Variants in AGBL1 observed in about 807,000 individuals in gnomAD.
The protein encoded by AGBL1 is AGBL carboxypeptidase 1, also known as cytosolic carboxypeptidase 4.
A neutral mutation model predicts 118.9 loss-of-function variants in AGBL1; 130 were observed. That is an observed-to-expected ratio of 1.09 (90% CI 0.95 to 1.26). The LOEUF (loss-of-function observed/expected upper bound fraction) is 1.26, where lower values mean the gene tolerates loss of function less well. Ranked by LOEUF, AGBL1 falls within the 50% of genes most tolerant of loss-of-function variation. The pLI, the probability that AGBL1 is intolerant of heterozygous loss-of-function variation, is 0.00. For synonymous variants in AGBL1, 555 were observed against 478.9 expected, an observed-to-expected ratio of 1.16 and a Z score of -2.08; for missense variants, 1,584 against 1,298.1, an observed-to-expected ratio of 1.22 and a Z score of -3.38.
downstream of AGBL1, among the ~76,000 whole-genome samples, chr15:87,029,414 T>G (rs946831345): frequency 6.6e-6 from 1 of 151,958 alleles, no homozygotes; most frequent in Admixed American, 6.6e-5. Context: ...CCCTAGTTCA[T>G]GCATGCTTTG....
intron 22 of AGBL1, among the ~76,000 whole-genome samples, chr15:86,790,612 A>T (rs1038902475): frequency 3.3e-5 from 5 of 152,154 alleles, no homozygotes; most frequent in African/African-American, 1.2e-4. Context: ...ATGGTTTTTT[A>T]ATGTATTTTA....
At chr15:87,019,106 C>G (rs1156568319) in intron 24 of AGBL1, among the ~76,000 whole-genome samples, 1 of 152,054 alleles carries the variant, frequency 6.6e-6, no homozygotes, top group East Asian at 1.9e-4. Context: ...TACATGAGCA[C>G]CCAAGTTCAT....
In AGBL1 at chr15:86,655,733, A is replaced by ACTTGCAGTGG. The variant is rs1332846216; in HGVS notation, c.2995-18539_2995-18530dup. On this transcript the variant is annotated intron_variant, in intron 21 of 22. Transcript: ENST00000614907. ...GCTGGGAGAAGGGAAGTCATTGCTA[A>ACTTGCAGTGG]CTTGCAGTGGTCAGGAAACACTTCA... Among the ~76,000 whole-genome samples the ACTTGCAGTGG allele has an allele frequency of 1.1e-4, 17 of 152,342 alleles. No homozygotes were observed. In the East Asian group the frequency reaches 3.1e-3, roughly 28 times the overall value.
chr15:86,409,694 C>A (rs190988082), intron 18 of AGBL1, among the ~76,000 whole-genome samples: 26 of 152,312 alleles, frequency 1.7e-4, no homozygotes, highest in African/African-American at 5.5e-4. Flanking sequence ...GTTTCCCCCC[C>A]TCACTTCCCA....
intron 18 of AGBL1, among the ~76,000 whole-genome samples, chr15:86,443,090 G>A (rs2082083550): frequency 6.6e-6 from 1 of 152,140 alleles, no homozygotes; most frequent in South Asian, 2.1e-4. Flanking sequence ...GTTCTCTTCT[G>A]TTGTTGCCCT....
chr15:86,677,418 T>C (rs1452309185), intron 22 of AGBL1, among the ~76,000 whole-genome samples: 2 of 152,162 alleles, frequency 1.3e-5, no homozygotes, highest in African/African-American at 4.8e-5. Context: ...CTCCTTCCTC[T>C]CAATCTTATC....
chr15:86,841,017 T>C (rs2079237672), intron 22 of AGBL1, among the ~76,000 whole-genome samples: 2 of 152,330 alleles, frequency 1.3e-5, no homozygotes, highest in South Asian at 4.1e-4. Context: ...GATTACTTTT[T>C]TTCAGTAATA....
intron 15 of AGBL1, among the ~76,000 whole-genome samples, chr15:86,275,014 G>A (rs1172407675): frequency 6.6e-6 from 1 of 151,952 alleles, no homozygotes; most frequent in African/African-American, 2.4e-5. Context: ...AACAGAAATG[G>A]GCAGATTCAT....
Position 86,910,326 on chromosome 15 carries a change from G to A in AGBL1, c.*3032G>A, listed in dbSNP as rs1318919797. ...TCAGTGTGACTGGTTTAAAAGATGT[G>A]TTTGTATGTGAGGAAAGGAGGAGAG... On this transcript the variant is annotated 3_prime_UTR_variant, in exon 23 of 23. Transcript: ENST00000614907. The A allele has an allele frequency of 5.3e-5, 8 of 152,228 alleles. No individual in the cohort carries two copies. Among genetic ancestry groups the A allele is most frequent in the Non-Finnish European group, 1.5e-5 (1 of 68,050 alleles). The allele number at this position is 152,228 out of a possible 1,614,324, so 9.4% of individuals were successfully genotyped here. A position where few individuals can be genotyped will look rare whatever the true frequency, so the allele number is the denominator to read the frequency against.
chr15:86,422,443 A>C (rs1406357487), intron 18 of AGBL1, among the ~76,000 whole-genome samples: 1 of 152,230 alleles, frequency 6.6e-6, no homozygotes, highest in African/African-American at 2.4e-5. Flanking sequence ...GACACAGCTA[A>C]AGCAGCGTTT....
chr15:86,779,273 A>T (rs1433134927), intron 22 of AGBL1, among the ~76,000 whole-genome samples: 1 of 152,238 alleles, frequency 6.6e-6, no homozygotes, highest in Non-Finnish European at 1.5e-5. Context: ...GCCTCACCAG[A>T]CACAGAATCT....
chr15:86,454,694 A>T (rs2082238804), intron 18 of AGBL1, among the ~76,000 whole-genome samples: 6 of 152,200 alleles, frequency 3.9e-5, no homozygotes, highest in Admixed American at 3.9e-4. Flanking sequence ...TTTAATAGAC[A>T]AAACTAAACT....
chr15:86,282,294 G>A (rs1344837533), intron 16 of AGBL1, among the ~76,000 whole-genome samples: 1 of 152,050 alleles, frequency 6.6e-6, no homozygotes, highest in Non-Finnish European at 1.5e-5. Context: ...GGAAAGAGAG[G>A]CCTTGTTAAT....
chr15:86,958,465 T>C (rs1392120093), intron 23 of AGBL1, among the ~76,000 whole-genome samples: 1 of 151,990 alleles, frequency 6.6e-6, no homozygotes, highest in African/African-American at 2.4e-5. Flanking sequence ...AAAAGAAACA[T>C]GAATCAGACC....
intron 18 of AGBL1, among the ~76,000 whole-genome samples, chr15:86,431,307 A>G (rs1332726753): frequency 6.6e-6 from 1 of 152,232 alleles, no homozygotes; most frequent in Non-Finnish European, 1.5e-5. Flanking sequence ...ACTTTCTTAT[A>G]AGTAAAATGA....
chr15:86,555,751 T>G (rs1596260686), intron 21 of AGBL1, among the ~76,000 whole-genome samples: 1 of 152,310 alleles, frequency 6.6e-6, no homozygotes, highest in South Asian at 2.1e-4. Context: ...AACCTATTTT[T>G]TTTCATATGT....
At chr15:86,553,949 C>T (rs2083696926) in intron 20 of AGBL1, among the ~76,000 whole-genome samples, 1 of 152,090 alleles carries the variant, frequency 6.6e-6, no homozygotes, top group Non-Finnish European at 1.5e-5. Context: ...CAACCTCCAT[C>T]ATCTGGGTTC....
At chr15:86,618,927 G>T (rs1489712582) in intron 21 of AGBL1, among the ~76,000 whole-genome samples, 1 of 152,074 alleles carries the variant, frequency 6.6e-6, no homozygotes, top group East Asian at 1.9e-4. Flanking sequence ...CTTTGTAGTT[G>T]CTTGTCCTCT....
intron 18 of AGBL1, among the ~76,000 whole-genome samples, chr15:86,509,249 A>G (rs1283801159): frequency 1.3e-5 from 2 of 152,102 alleles, no homozygotes; most frequent in Non-Finnish European, 2.9e-5. Context: ...GAGGCTTGAT[A>G]AGTTTCCTGA....
Sources: allele counts gnomAD v4.1 joint callset (sites outside exome capture counted in the v4.1 genomes callset), GRCh38; gene constraint gnomAD v4.1.1; transcripts MANE v1.5; gene names NCBI Gene and HGNC (gene_info 2026-07-23, HGNC 2026-07-21).